Variants in MTAP observed in about 807,000 individuals in gnomAD.
The protein encoded by MTAP is methylthioadenosine phosphorylase, also known as S-methyl-5'-thioadenosine phosphorylase.
In MTAP, 33 loss-of-function variants were observed where a neutral mutation model predicts 33.6. The ratio of observed to expected loss-of-function variants is 0.98; its 90% CI spans 0.74 to 1.31. The LOEUF is 1.31. MTAP is among the 40% of genes most tolerant of loss of function. The probability of loss-of-function intolerance (pLI) is 0.00; values close to 1 mark genes in which losing one functional copy is unlikely to be tolerated. For synonymous variants in MTAP, 148 were observed against 125.7 expected (o/e 1.18, Z -1.19); for missense variants, 367 against 360.0 (o/e 1.02, Z -0.16).
chr9:21,825,384 A>G (rs932460451), intron 4 of MTAP, among the ~76,000 whole-genome samples: 2 of 151,624 alleles, frequency 1.3e-5, no homozygotes, highest in African/African-American at 2.4e-5. Flanking sequence ...TTCCTTATAC[A>G]CTCTGAGATG....
chr9:21,911,241 A>T (rs912737943), intron 1 of MTAP, among the ~76,000 whole-genome samples: 2 of 152,210 alleles, frequency 1.3e-5, no homozygotes, highest in African/African-American at 4.8e-5. Flanking sequence ...GTTAACAAGG[A>T]TATCCAGGAA....
downstream of MTAP, chr9:21,935,002 A>AC (rs1763823335): frequency 6.6e-6 from 1 of 152,118 alleles, no homozygotes; most frequent in African/African-American, 2.4e-5. Flanking sequence ...CCCGGCCTTA[A>AC]CTTTTTTTTA....
In MTAP at chr9:21,827,393, A is replaced by G. The variant is rs1161449544; in HGVS notation, c.347+9191A>G. On this transcript the variant is annotated intron_variant, in intron 4 of 7. Transcript: ENST00000644715. Reference sequence around the variant, plus strand: ...CAGGCCACTGTGGCTTCTGCCTTTCAGGGATTCATTATAATTTCCAGTCTA... The same window carrying G: ...CAGGCCACTGTGGCTTCTGCCTTTCGGGGATTCATTATAATTTCCAGTCTA... Among the ~76,000 whole-genome samples, 3 of 152,188 alleles carry G rather than the reference A, an allele frequency of 2.0e-5. No homozygotes were observed. The East Asian group carries it at 5.8e-4, about 29-fold the overall frequency.
At position 21,859,156 on chromosome 9, in the gene MTAP, A is replaced by T. The variant is rs564923722; in HGVS notation, c.691-147A>T. 3 of 1,180,752 alleles carry T rather than the reference A, an allele frequency of 2.5e-6. No homozygotes were observed. In the South Asian group the frequency reaches 4.9e-5, roughly 19 times the overall value. 73.1% of individuals were successfully genotyped at this position (1,180,752 alleles called of 1,614,324 possible). A position where few individuals can be genotyped will look rare whatever the true frequency, so the allele number is the denominator to read the frequency against. ...CCTCCCAAATGCCCAACCTCCAAAT[A>T]CCCTACATTGAGGATTCGGTTTCAG... On this transcript the variant is annotated intron_variant, in intron 6 of 7. Transcript: ENST00000644715.
intron 2 of MTAP, 144 bp from the exon 3 acceptor site, chr9:21,816,570 T>C (rs2118039552): frequency 3.0e-6 from 2 of 669,518 alleles, no homozygotes; most frequent in Non-Finnish European, 5.0e-6. Flanking sequence ...TAAATGATTA[T>C]ATTGATAATC....
chr9:21,850,113 G>A (rs1281465840), intron 5 of MTAP, among the ~76,000 whole-genome samples: 3 of 152,152 alleles, frequency 2.0e-5, no homozygotes, highest in Non-Finnish European at 4.4e-5. Flanking sequence ...ATGACAGTAC[G>A]CTGATTGGAT....
At chr9:21,803,287 G>A (rs561982959) in intron 1 of MTAP, 3 of 241,672 alleles carry the variant, frequency 1.2e-5, no homozygotes, top group Non-Finnish European at 2.4e-5. Context: ...CCACGTGGGA[G>A]AACTGCTTAC....
intron 1 of MTAP, among the ~76,000 whole-genome samples, chr9:21,924,003 C>G (rs1172787795): frequency 6.6e-6 from 1 of 152,144 alleles, no homozygotes; most frequent in Non-Finnish European, 1.5e-5. Context: ...GAGATGAAGG[C>G]AAGCTTAGGG....
intron 1 of MTAP, among the ~76,000 whole-genome samples, chr9:21,872,119 C>T (rs528596887): frequency 6.6e-6 from 1 of 152,240 alleles, no homozygotes; most frequent in Admixed American, 6.5e-5. Flanking sequence ...TGAACACCAG[C>T]CTGGCCAACA....
chr9:21,914,862 A>G (rs916804296), intron 1 of MTAP, among the ~76,000 whole-genome samples: 2 of 151,736 alleles, frequency 1.3e-5, no homozygotes, highest in Admixed American at 6.6e-5. Flanking sequence ...AAATAGAAAA[A>G]AAAAGAAATT....
chr9:21,832,058 T>A (rs532440922), intron 4 of MTAP, among the ~76,000 whole-genome samples: 1 of 152,352 alleles, frequency 6.6e-6, no homozygotes, highest in African/African-American at 2.4e-5. Flanking sequence ...GGGTGTTGAA[T>A]TGATTCCTAA....
At chr9:21,897,803 T>C (rs1818321173) in intron 1 of MTAP, among the ~76,000 whole-genome samples, 1 of 152,214 alleles carries the variant, frequency 6.6e-6, no homozygotes, top group South Asian at 2.1e-4. Flanking sequence ...ATGGCCATAC[T>C]GCCCACAGTA....
chr9:21,811,582 C>A, intron 1 of MTAP: 1 of 426,456 alleles, frequency 2.3e-6, no homozygotes, highest in Non-Finnish European at 4.6e-6. Context: ...AAAGGGTTCA[C>A]ACCACTTCCA....
downstream of MTAP, among the ~76,000 whole-genome samples, chr9:21,940,430 T>G (rs575774530): frequency 9.8e-5 from 15 of 152,324 alleles, 2 homozygotes; most frequent in South Asian, 2.9e-3. Flanking sequence ...AACTATATAT[T>G]AGTAGAAAAC....
chr9:21,853,103 C>T (rs190012693), intron 5 of MTAP, among the ~76,000 whole-genome samples: 2 of 152,250 alleles, frequency 1.3e-5, no homozygotes, highest in Non-Finnish European at 1.5e-5. Flanking sequence ...TATTCATAGC[C>T]TCCATTTCTT....
At chr9:21,814,359 C>G (rs1393356905) in intron 1 of MTAP, among the ~76,000 whole-genome samples, 2 of 151,934 alleles carry the variant, frequency 1.3e-5, no homozygotes, top group African/African-American at 4.8e-5. Context: ...TTTCTTGAGG[C>G]CTACTTTATT....
chr9:21,812,664 T>G (rs1226829908), intron 1 of MTAP, among the ~76,000 whole-genome samples: 1 of 152,188 alleles, frequency 6.6e-6, no homozygotes, highest in Non-Finnish European at 1.5e-5. Context: ...CTGAGATGAT[T>G]CACTCAGATA....
chr9:21,878,808 A>G (rs971878547), intron 1 of MTAP, among the ~76,000 whole-genome samples: 5 of 152,166 alleles, frequency 3.3e-5, no homozygotes. Flanking sequence ...TAATTTCATT[A>G]TTTACCCAAA....
At chr9:21,921,076 A>G (rs1022775520) in intron 1 of MTAP, among the ~76,000 whole-genome samples, 4 of 152,008 alleles carry the variant, frequency 2.6e-5, no homozygotes, top group African/African-American at 9.7e-5. Flanking sequence ...CTTTGATCTC[A>G]TTACTTGTTT....
Sources: allele counts gnomAD v4.1 joint callset (sites outside exome capture counted in the v4.1 genomes callset), GRCh38; gene constraint gnomAD v4.1.1; transcripts MANE v1.5; gene names NCBI Gene and HGNC (gene_info 2026-07-23, HGNC 2026-07-21).